Variants in TMEM272 observed in about 807,000 individuals in gnomAD.
The protein encoded by TMEM272 is long intergenic non-protein coding RNA 282.
In TMEM272, 8 loss-of-function variants were observed where a neutral mutation model predicts 3.7. The ratio of observed to expected loss-of-function variants is 2.17; its 90% CI spans 1.27 to 3.91. The LOEUF is 3.91. Among genes scored for constraint, TMEM272 ranks in the 30% most tolerant of loss-of-function variants. The pLI is 0.00. For synonymous variants in TMEM272, 63 were observed against 39.8 expected (o/e 1.58, Z -2.20); for missense variants, 166 against 91.5 (o/e 1.81, Z -3.32).
chr13:51,908,110 T>C, the TMEM272 span: 1 of 470,270 alleles, frequency 2.1e-6, no homozygotes, highest in Non-Finnish European at 4.0e-6. Flanking sequence ...TATAATTCTA[T>C]TGTTTCAATT....
At chr13:51,841,690 A>T (rs1445726506) in intron 1 of TMEM272, among the ~76,000 whole-genome samples, 1 of 152,256 alleles carries the variant, frequency 6.6e-6, no homozygotes, top group Non-Finnish European at 1.5e-5. Flanking sequence ...AAAAACAGTG[A>T]TATCTTTATT....
At chr13:51,871,099 C>T in the TMEM272 span, among the ~76,000 whole-genome samples, 1 of 152,104 alleles carries the variant, frequency 6.6e-6, no homozygotes, top group African/African-American at 2.4e-5. Flanking sequence ...GATTCTCCCC[C>T]TCTGGTATGC....
At chr13:51,831,459 T>C (rs996147308) in intron 2 of TMEM272, among the ~76,000 whole-genome samples, 1 of 152,188 alleles carries the variant, frequency 6.6e-6, no homozygotes, top group Non-Finnish European at 1.5e-5. Context: ...CAGGTGATCG[T>C]AGCCTGTTTC....
the TMEM272 span, among the ~76,000 whole-genome samples, chr13:51,893,238 G>T: frequency 6.6e-6 from 1 of 152,208 alleles, no homozygotes; most frequent in South Asian, 2.1e-4. Context: ...CAGTTCTCGA[G>T]TATTTGTTTA....
chr13:51,846,161 G>A (rs1486247732), upstream of TMEM272, among the ~76,000 whole-genome samples: 1 of 152,198 alleles, frequency 6.6e-6, no homozygotes, highest in Non-Finnish European at 1.5e-5. Flanking sequence ...TCCCAGTCCT[G>A]AATCCAAGGT....
At chr13:51,827,933 C>T (rs1026447560) in intron 2 of TMEM272, among the ~76,000 whole-genome samples, 3 of 152,204 alleles carry the variant, frequency 2.0e-5, no homozygotes, top group Admixed American at 1.3e-4. Context: ...GCTCTGCTGA[C>T]AGAACTTCCA....
intron 4 of TMEM272, among the ~76,000 whole-genome samples, chr13:51,820,940 C>T (rs118151672): frequency 6.6e-6 from 1 of 152,342 alleles, no homozygotes; most frequent in East Asian, 1.9e-4. Flanking sequence ...GAGGTTACCT[C>T]AAACACAAAA....
chr13:51,836,759 T>C (rs1566350714), intron 2 of TMEM272, among the ~76,000 whole-genome samples: 1 of 152,034 alleles, frequency 6.6e-6, no homozygotes, highest in African/African-American at 2.4e-5. Context: ...AGGGGGCAGG[T>C]GGGAGGAAGT....
chr13:51,884,376 T>C, the TMEM272 span, among the ~76,000 whole-genome samples: 1 of 152,248 alleles, frequency 6.6e-6, no homozygotes, highest in Admixed American at 6.5e-5. Context: ...ACTGTGACTT[T>C]ATTTAGATGT....
the TMEM272 span, among the ~76,000 whole-genome samples, chr13:51,863,463 G>A: frequency 2.0e-5 from 3 of 152,256 alleles, no homozygotes; most frequent in East Asian, 5.8e-4. Context: ...TGGCTGTCAT[G>A]GGGGAGATGG....
At chr13:51,865,994 A>C in the TMEM272 span, 5 of 1,613,368 alleles carry the variant, frequency 3.1e-6, no homozygotes, top group Non-Finnish European at 4.2e-6. Context: ...CAATGGCCAC[A>C]TTGCCGGAGA....
At chr13:51,924,295 C>T in the TMEM272 span, among the ~76,000 whole-genome samples, 50 of 152,178 alleles carry the variant, frequency 3.3e-4, no homozygotes, top group African/African-American at 1.1e-3. Context: ...TGGCTCTCAC[C>T]TGTAATCCCA....
At chr13:51,825,318 G>T (rs977515371) in intron 3 of TMEM272, among the ~76,000 whole-genome samples, 27 of 152,108 alleles carry the variant, frequency 1.8e-4, no homozygotes, top group Admixed American at 1.4e-3. Flanking sequence ...TACTGTTTTT[G>T]TTTCCATTTT....
chr13:51,875,268 A>C, the TMEM272 span, among the ~76,000 whole-genome samples: 2 of 152,176 alleles, frequency 1.3e-5, no homozygotes, highest in African/African-American at 2.4e-5. Context: ...AGGTCACACA[A>C]CCAGTAAAAG....
the TMEM272 span, among the ~76,000 whole-genome samples, chr13:51,922,299 G>C: frequency 6.6e-6 from 1 of 152,220 alleles, no homozygotes; most frequent in African/African-American, 2.4e-5. Flanking sequence ...TCCCAAATGC[G>C]CTCAGCTTCA....
At chr13:51,863,672 G>GAC in the TMEM272 span, among the ~76,000 whole-genome samples, 8,975 of 134,310 alleles carry the variant, frequency 0.067, 294 homozygotes, top group South Asian at 0.11. Flanking sequence ...CGCGCACACA[G>GAC]ACACACACAC....
chr13:51,858,589 G>A, the TMEM272 span, among the ~76,000 whole-genome samples: 27 of 152,150 alleles, frequency 1.8e-4, no homozygotes, highest in African/African-American at 1.7e-4. Flanking sequence ...CATGTGAGAC[G>A]CAGGTAAGTG....
chr13:51,822,585 C>T (rs2139555426), intron 3 of TMEM272, among the ~76,000 whole-genome samples: 1 of 152,150 alleles, frequency 6.6e-6, no homozygotes, highest in Non-Finnish European at 1.5e-5. Flanking sequence ...AGGTTCTCAT[C>T]TACTCTGCTT....
At chr13:51,875,954 C>T in the TMEM272 span, among the ~76,000 whole-genome samples, 8 of 152,236 alleles carry the variant, frequency 5.3e-5, no homozygotes, top group African/African-American at 1.9e-4. Flanking sequence ...GGGTCTTCAC[C>T]CAAGGCAATT....
Sources: allele counts gnomAD v4.1 joint callset (sites outside exome capture counted in the v4.1 genomes callset), GRCh38; gene constraint gnomAD v4.1.1; transcripts MANE v1.5; gene names NCBI Gene and HGNC (gene_info 2026-07-23, HGNC 2026-07-21).